The following LNX1 variants were observed in gnomAD, a reference collection of about 807,000 sequenced individuals.
LNX1 encodes the protein ligand of numb-protein X 1.
LNX1 carries 54 observed loss-of-function variants against 68.4 expected under a neutral mutation model. That is an observed-to-expected ratio of 0.79 (90% CI 0.63 to 0.99). The LOEUF is 0.99. Among genes scored for constraint, LNX1 ranks in the 50% least tolerant of loss-of-function variants. LNX1 has a pLI of 0.00. For synonymous variants in LNX1, 336 were observed against 350.0 expected (o/e 0.96, Z 0.45); for missense variants, 906 against 926.4 (o/e 0.98, Z 0.29).
intron 7 of LNX1, among the ~76,000 whole-genome samples, chr4:53,479,141 T>C (rs1172389297): frequency 3.3e-5 from 5 of 152,206 alleles, no homozygotes; most frequent in African/African-American, 1.2e-4. Flanking sequence ...TCCAAGTGCC[T>C]TGGCCTCCCA....
At chr4:53,526,932 A>G (rs2109600396) in intron 2 of LNX1, among the ~76,000 whole-genome samples, 1 of 152,126 alleles carries the variant, frequency 6.6e-6, no homozygotes, top group South Asian at 2.1e-4. Context: ...TCTTCTTTGT[A>G]AGAGACACAA....
At chr4:53,547,621 C>A (rs922915319) in intron 2 of LNX1, among the ~76,000 whole-genome samples, 4 of 152,132 alleles carry the variant, frequency 2.6e-5, no homozygotes, top group Non-Finnish European at 4.4e-5. Flanking sequence ...GAGCTGCTAA[C>A]AAAGGAAGAA....
At chr4:53,564,836 C>A (rs542433961) in intron 2 of LNX1, among the ~76,000 whole-genome samples, 1 of 152,188 alleles carries the variant, frequency 6.6e-6, no homozygotes, top group East Asian at 1.9e-4. Flanking sequence ...ACTTGGGAAG[C>A]GCAAGGAGTC....
chr4:53,603,200 G>A (rs2109837740), intron 2 of LNX1, among the ~76,000 whole-genome samples: 1 of 152,328 alleles, frequency 6.6e-6, no homozygotes, highest in South Asian at 2.1e-4. Context: ...GGGCCATGGA[G>A]GACTCCAGGG....
intron 2 of LNX1, among the ~76,000 whole-genome samples, chr4:53,550,879 T>A (rs1729454129): frequency 6.6e-6 from 1 of 152,050 alleles, no homozygotes; most frequent in East Asian, 1.9e-4. Flanking sequence ...GACCAGGGCG[T>A]AATGGATAGA....
chr4:53,573,968 G>A lies in LNX1; in HGVS notation c.35C>T (p.Pro12Leu). The change falls in exon 2 of 11, where the codon CCC becomes CTC. Residue 12 changes from proline to leucine, a missense_variant. Pro to Leu is a moderately conservative substitution (Grantham distance 98). Coordinates refer to ENST00000263925, the MANE Select transcript of LNX1 (RefSeq NM_001126328.3). ...NQPESANDPEPLCAVCGQAHS... is the reference protein window; with the variant it reads ...NQPESANDPELLCAVCGQAHS... ...GGCTTGGCCACACACTGCACACAGG[G>A]GTTCAGGATCGTTGGCAGACTCTGG... 1 of 1,613,214 alleles carries A rather than the reference G, an allele frequency of 6.2e-7. No homozygotes were observed. Among genetic ancestry groups the A allele is most frequent in the South Asian group, 1.1e-5 (1 of 90,880 alleles).
At chr4:53,611,996 T>C (rs1387442611) in intron 2 of LNX1, among the ~76,000 whole-genome samples, 1 of 152,320 alleles carries the variant, frequency 6.6e-6, no homozygotes, top group East Asian at 1.9e-4. Flanking sequence ...ACACTAGTTA[T>C]CATTTTTATA....
rs747985840 is a variant in LNX1, at chr4:53,507,293, C to T, written c.775+24G>A. 2.1e-5 allele frequency: 34 copies of T among 1,607,676 alleles called. No individual in the cohort carries two copies. In the Admixed American group the frequency reaches 5.8e-4, roughly 27 times the overall value. ...CCTGGAAGCCCAGCCCATGTCCATCCAGCCTTATGGGGAGTTCATTTACCT... is the reference window on the plus strand; with the variant it reads ...CCTGGAAGCCCAGCCCATGTCCATCTAGCCTTATGGGGAGTTCATTTACCT... On this transcript the variant is annotated intron_variant, in intron 4 of 10. Coordinates refer to ENST00000263925, the MANE Select transcript of LNX1 (RefSeq NM_001126328.3).
intron 9 of LNX1, among the ~76,000 whole-genome samples, chr4:53,467,572 CAAA>C (rs1722781782): frequency 6.6e-6 from 1 of 151,904 alleles, no homozygotes; most frequent in Admixed American, 6.6e-5. Flanking sequence ...GAACCAATGG[CAAA>C]GAAGTTAAAA....
rs1300157982 is a variant in LNX1 at position 53,573,922 on chromosome 4, G to A, written c.81C>T (p.His27=). ...CGQAHSLEEN[H]FYSYPEEVDD... ...CCACTTCCTCTGGATAGCTGTAGAA[G>A]TGGTTTTCCTCCAAGGAGTGGGCTT... Residue 27 remains histidine (H), a synonymous_variant, in exon 2 of 11, where the codon CAC becomes CAT. Transcript: ENST00000263925. 2 of 1,613,680 alleles carry A rather than the reference G, an allele frequency of 1.2e-6. No individual in the cohort carries two copies. The highest frequency in any genetic ancestry group is 1.7e-6 in the Non-Finnish European group (2 of 1,179,860).
At chr4:53,635,439 T>G (rs1560702369) in intron 1 of LNX1, among the ~76,000 whole-genome samples, 2 of 152,254 alleles carry the variant, frequency 1.3e-5, no homozygotes, top group Non-Finnish European at 2.9e-5. Flanking sequence ...AATTTTCATT[T>G]AGATTGATGT....
chr4:53,554,844 T>C (rs1231305894), intron 2 of LNX1, among the ~76,000 whole-genome samples: 1 of 143,666 alleles, frequency 7.0e-6, no homozygotes, highest in Non-Finnish European at 1.5e-5. Context: ...AGAGCGAGAC[T>C]CTGTCTCAAA....
chr4:53,459,784 T>G lies in LNX1; in HGVS notation c.*1123A>C. On this transcript the variant is annotated 3_prime_UTR_variant, in exon 11 of 11. Transcript: ENST00000263925. ...TCAAGGGTTCCACTTGGGCCACAGT[T>G]TTTTTGTTAATCAAACACCACTCTC... 3.1e-6 allele frequency: 1 copy of G among 320,978 alleles called. No homozygotes were observed. The highest frequency in any genetic ancestry group is 5.8e-6 in the Non-Finnish European group (1 of 172,134). 19.9% of individuals were successfully genotyped at this position (320,978 alleles called of 1,614,324 possible).
At chr4:53,488,945 A>G (rs920218997) in intron 6 of LNX1, among the ~76,000 whole-genome samples, 5 of 152,074 alleles carry the variant, frequency 3.3e-5, no homozygotes, top group African/African-American at 9.7e-5. Flanking sequence ...ACTTCCAGGG[A>G]AAAAAAATCC....
At chr4:53,651,334 G>A (rs368330504) in intron 1 of LNX1, among the ~76,000 whole-genome samples, 1 of 152,170 alleles carries the variant, frequency 6.6e-6, no homozygotes, top group Non-Finnish European at 1.5e-5. Context: ...CTTGGGCACC[G>A]GACTTGCACC....
intron 9 of LNX1, among the ~76,000 whole-genome samples, chr4:53,465,744 A>G (rs1722629809): frequency 6.6e-6 from 1 of 151,900 alleles, no homozygotes; most frequent in Non-Finnish European, 1.5e-5. Context: ...TTAAAATGAA[A>G]AATATGTTGC....
At position 53,609,233 on chromosome 4, in the gene LNX1, A is replaced by G. The variant is rs571728459; in HGVS notation, c.-215+7284T>C. Among the ~76,000 whole-genome samples the G allele has an allele frequency of 3.9e-5, 6 of 152,200 alleles. No individual in the cohort carries two copies. In the East Asian group the frequency reaches 1.2e-3, roughly 29 times the overall value. On this transcript the variant is annotated intron_variant, in intron 2 of 3. Coordinates refer to the LNX1 transcript ENST00000504299. ...AACCCCTGTGACATGCAATTTACCT[A>G]TGTAACAAATATGCACATGTACCCC...
At chr4:53,562,166 C>T (rs893031142) in intron 2 of LNX1, among the ~76,000 whole-genome samples, 4 of 152,184 alleles carry the variant, frequency 2.6e-5, no homozygotes, top group South Asian at 2.1e-4. Flanking sequence ...AAATAAGTCT[C>T]GCTCAGGATC....
At chr4:53,647,154 C>T (rs1372319111) in intron 1 of LNX1, among the ~76,000 whole-genome samples, 2 of 152,234 alleles carry the variant, frequency 1.3e-5, no homozygotes, top group Admixed American at 1.3e-4. Context: ...GTCTGTTTCT[C>T]TAAATTTTGT....
Sources: gnomAD v4.1 joint callset for allele counts (sites outside exome capture counted in the v4.1 genomes callset) on GRCh38, gnomAD v4.1.1 for gene constraint, MANE v1.5 for transcripts, NCBI Gene and HGNC (gene_info 2026-07-23, HGNC 2026-07-21) for gene names.